Variants in SLIT1 observed in about 807,000 individuals in gnomAD.
The protein encoded by SLIT1 is slit guidance ligand 1.
SLIT1 carries 66 observed loss-of-function variants against 186.1 expected under a neutral mutation model. The ratio of observed to expected loss-of-function variants is 0.35; its 90% CI spans 0.29 to 0.44. The LOEUF is 0.44. Among genes scored for constraint, SLIT1 ranks in the 20% least tolerant of loss-of-function variants. SLIT1 has a pLI of 1.00. For synonymous variants in SLIT1, 761 were observed against 833.8 expected, an observed-to-expected ratio of 0.91 and a Z score of 1.50; for missense variants, 1,638 against 2,037.4, an observed-to-expected ratio of 0.80 and a Z score of 3.77.
chr10:97,084,589 C>A (rs71486105), intron 4 of SLIT1, among the ~76,000 whole-genome samples: 4,391 of 98,148 alleles, frequency 0.045, 103 homozygotes, highest in Middle Eastern at 0.077. Flanking sequence ...CTTTTATTTT[C>A]TTTTCTTCTC....
chr10:97,123,741 G>A (rs1849580060), intron 4 of SLIT1, among the ~76,000 whole-genome samples: 1 of 148,974 alleles, frequency 6.7e-6, no homozygotes, highest in Admixed American at 6.8e-5. Context: ...AGTGAGCTCA[G>A]ATTGCATCAC....
intron 4 of SLIT1, among the ~76,000 whole-genome samples, chr10:97,110,084 A>G (rs1335250824): frequency 1.3e-5 from 2 of 152,184 alleles, no homozygotes; most frequent in East Asian, 3.9e-4. Flanking sequence ...TTTTACTTTT[A>G]AAATATTTGC....
chr10:97,016,098 C>T (rs1250537898), intron 28 of SLIT1, among the ~76,000 whole-genome samples: 2 of 152,122 alleles, frequency 1.3e-5, no homozygotes, highest in Non-Finnish European at 2.9e-5. Flanking sequence ...CCCTTGAGGT[C>T]AGGAGTTTGA....
Position 97,006,545 on chromosome 10 carries a change from G to A in SLIT1, c.3517C>T (p.Arg1173Trp), listed in dbSNP as rs752878242. 3 of 1,614,176 alleles carry A rather than the reference G, an allele frequency of 1.9e-6. No individual in the cohort carries two copies. Among genetic ancestry groups the A allele is most frequent in the Non-Finnish European group, 1.7e-6 (2 of 1,180,034 alleles). ...TCAGTGAACTGCAGGTAAGTGTCCCGATCCACAAAGTTGACACTGAGCAAC... is the reference window on the plus strand; with the variant it reads ...TCAGTGAACTGCAGGTAAGTGTCCCAATCCACAAAGTTGACACTGAGCAAC... ...EKLLSVNFVD[R>W]DTYLQFTDLQ... is the part of the protein sequence containing the mutation. Residue 1173 changes from arginine (R) to tryptophan (W), a missense_variant, in exon 32 of 37, where the codon CGG (arginine) becomes TGG (tryptophan). This residue lies in a region of SLIT1 where 173 missense variants were observed against 290.9 expected (regional missense o/e 0.59). Coordinates refer to ENST00000266058, the MANE Select transcript of SLIT1 (RefSeq NM_003061.3). This position sits in a 1 kb window ranked among gnomAD's most constrained non-coding sequence, Gnocchi z 4.0.
rs1486659705 is a variant in SLIT1, at chr10:97,002,082, TGGGA to T, written c.4366+72_4366+75del. 1.2e-5 allele frequency: 12 copies of T among 975,104 alleles called. No homozygotes were observed. In the African/African-American group the frequency reaches 1.5e-4, roughly 12 times the overall value. 60.4% of individuals were successfully genotyped at this position (975,104 alleles called of 1,614,324 possible). A position where few individuals can be genotyped will look rare whatever the true frequency, so the allele number is the denominator to read the frequency against. Reference sequence around the variant, plus strand: ...GAAGGGACAGAAGGGCTGCCGAGACTGGGAGGAAGAGTCAAATTGCTAAAGCAAT... The same window carrying T: ...GAAGGGACAGAAGGGCTGCCGAGACTGGAAGAGTCAAATTGCTAAAGCAAT... On this transcript the variant is annotated intron_variant, in intron 36 of 36. Coordinates refer to ENST00000266058, the MANE Select transcript of SLIT1 (RefSeq NM_003061.3).
chr10:97,134,924 G>T (rs1200325696), intron 4 of SLIT1, among the ~76,000 whole-genome samples: 1 of 152,056 alleles, frequency 6.6e-6, no homozygotes, highest in Admixed American at 6.5e-5. Context: ...CCAAATGAGG[G>T]GTCTCCTCTC....
At chr10:97,137,581 C>T (rs1165708907) in intron 4 of SLIT1, among the ~76,000 whole-genome samples, 12 of 150,784 alleles carry the variant, frequency 8.0e-5, no homozygotes, top group Non-Finnish European at 5.9e-5. Context: ...TCTTTCTCTC[C>T]TTCTTTCCTT....
chr10:97,176,832 G>A (rs1204791734), intron 1 of SLIT1, among the ~76,000 whole-genome samples: 25 of 151,844 alleles, frequency 1.6e-4, no homozygotes, highest in Non-Finnish European at 1.5e-5. Context: ...GCTCTCCACT[G>A]TCAAACACAG....
rs754306735 is a variant in SLIT1, at chr10:97,004,674, G to A, written c.3710+19C>T. 6.2e-7 allele frequency: 1 copy of A among 1,613,908 alleles called. No homozygotes were observed. The stretch of plus-strand genomic sequence containing the variant: ...TCCCGTACCCCTGAGGGCAGCTGGG[G>A]GGCATAAGGAAGCCCTACCTGTAGA... On this transcript the variant is annotated intron_variant, in intron 33 of 36. Transcript: ENST00000266058. The surrounding 1 kb of genome is among the most constrained non-coding windows in gnomAD (Gnocchi z 5.1).
Position 97,004,012 on chromosome 10 carries a change from C to T in SLIT1, c.3865+56G>A, listed in dbSNP as rs996587206. On this transcript the variant is annotated intron_variant, in intron 34 of 36. Transcript: ENST00000266058. The surrounding 1 kb of genome is among the most constrained non-coding windows in gnomAD (Gnocchi z 5.1). ...AGTGCAGTCCCTAGGCACCAGCTCT[C>T]CTGGCTGGCCTCAGGCCAGACAGCA... The T allele has an allele frequency of 6.7e-6, 10 of 1,486,732 alleles. No homozygotes were observed. The African/African-American group carries it at 1.4e-4, about 21-fold the overall frequency. 92.1% of individuals were successfully genotyped at this position (1,486,732 alleles called of 1,614,324 possible).
At chr10:97,141,889 C>T (rs967823766) in intron 4 of SLIT1, among the ~76,000 whole-genome samples, 6 of 152,164 alleles carry the variant, frequency 3.9e-5, no homozygotes, top group South Asian at 2.1e-4. Flanking sequence ...AACTCCTGGG[C>T]TCAAGCAATC....
intron 4 of SLIT1, among the ~76,000 whole-genome samples, chr10:97,134,056 T>G (rs1849678958): frequency 6.6e-6 from 1 of 152,164 alleles, no homozygotes; most frequent in Non-Finnish European, 1.5e-5. Context: ...TGAGGGCTGG[T>G]GAGCCCCCAC....
At chr10:97,173,751 T>C (rs888373004) in intron 1 of SLIT1, among the ~76,000 whole-genome samples, 3 of 152,088 alleles carry the variant, frequency 2.0e-5, no homozygotes, top group African/African-American at 4.8e-5. Flanking sequence ...TGAGCGCAGC[T>C]GCAAGACTTG....
intron 4 of SLIT1, among the ~76,000 whole-genome samples, chr10:97,141,731 T>C (rs994661275): frequency 3.9e-5 from 5 of 127,876 alleles, no homozygotes; most frequent in African/African-American, 9.7e-5. Flanking sequence ...TGTATTGTAC[T>C]GTATTGTATC....
intron 1 of SLIT1, among the ~76,000 whole-genome samples, chr10:97,166,577 A>T (rs200982021): frequency 4.0e-4 from 19 of 47,018 alleles, no homozygotes; most frequent in Non-Finnish European, 1.0e-4. Context: ...GAGAGAAAGA[A>T]AGAAAGAAAG....
At chr10:97,114,752 TC>T (rs1264416388) in intron 4 of SLIT1, among the ~76,000 whole-genome samples, 2 of 152,282 alleles carry the variant, frequency 1.3e-5, no homozygotes. Flanking sequence ...CTAAGGAAGC[TC>T]GTCTCCCTAG....
chr10:97,024,465 G>A (rs1041996420), intron 25 of SLIT1, among the ~76,000 whole-genome samples: 1 of 152,202 alleles, frequency 6.6e-6, no homozygotes, highest in Non-Finnish European at 1.5e-5. Context: ...GAACAACACA[G>A]CTCAGAAAAG....
chr10:97,160,799 C>T (rs1850014876), intron 3 of SLIT1, among the ~76,000 whole-genome samples: 1 of 152,232 alleles, frequency 6.6e-6, no homozygotes, highest in Non-Finnish European at 1.5e-5. Flanking sequence ...CGGCTCACCG[C>T]AACCTCCGCC....
chr10:97,060,338 T>A (rs917710021), intron 9 of SLIT1, among the ~76,000 whole-genome samples, 180 bp from the exon 10 acceptor site: 1 of 152,200 alleles, frequency 6.6e-6, no homozygotes, highest in African/African-American at 2.4e-5. Context: ...AATGCTGACT[T>A]GCGCTCCATT....
Sources: gnomAD v4.1 joint callset for allele counts (sites outside exome capture counted in the v4.1 genomes callset) on GRCh38, gnomAD v4.1.1 for gene constraint, gnomAD v4.1.1 regional missense constraint, Gnocchi (gnomAD v3.1) non-coding constraint, MANE v1.5 for transcripts, NCBI Gene and HGNC (gene_info 2026-07-23, HGNC 2026-07-21) for gene names.